Variants in CMSS1 observed in about 807,000 individuals in gnomAD.
CMSS1 encodes protein CMSS1.
CMSS1 carries 33 observed loss-of-function variants against 43.5 expected under a neutral mutation model. The observed-to-expected ratio is 0.76, with a 90% CI of 0.57 to 1.01. CMSS1 has a LOEUF of 1.01. Among genes scored for constraint, CMSS1 ranks in the 50% least tolerant of loss-of-function variants. The pLI is 0.00. For synonymous variants in CMSS1, 115 were observed against 117.2 expected, an observed-to-expected ratio of 0.98 and a Z score of 0.12; for missense variants, 313 against 326.4, an observed-to-expected ratio of 0.96 and a Z score of 0.32.
chr3:99,951,295 T>C (rs1708169024), intron 1 of CMSS1, among the ~76,000 whole-genome samples: 1 of 152,134 alleles, frequency 6.6e-6, no homozygotes, highest in African/African-American at 2.4e-5. Flanking sequence ...GTAATTACAG[T>C]AGCTATTTTA....
chr3:99,946,477 T>G (rs1221062394), intron 1 of CMSS1, among the ~76,000 whole-genome samples: 2 of 152,218 alleles, frequency 1.3e-5, no homozygotes, highest in Non-Finnish European at 2.9e-5. Context: ...TTGGTAGTGT[T>G]TTCTGACACA....
chr3:100,007,288 A>T (rs1049365276), intron 1 of CMSS1, among the ~76,000 whole-genome samples: 2 of 152,186 alleles, frequency 1.3e-5, no homozygotes, highest in African/African-American at 2.4e-5. Context: ...TGAGATGAAA[A>T]TATCTTATTT....
intron 1 of CMSS1, among the ~76,000 whole-genome samples, chr3:100,117,702 T>C (rs2066582273): frequency 6.7e-6 from 1 of 150,304 alleles, no homozygotes. Flanking sequence ...GTATATTGAT[T>C]ACAGGTTGAA....
intron 1 of CMSS1, among the ~76,000 whole-genome samples, chr3:100,110,715 A>G (rs1005890128): frequency 5.9e-5 from 9 of 152,136 alleles, no homozygotes; most frequent in African/African-American, 2.2e-4. Context: ...ATAGCTCTCC[A>G]TTACCTGTGC....
chr3:100,091,590 G>A (rs1051000295), intron 1 of CMSS1, among the ~76,000 whole-genome samples: 4 of 152,172 alleles, frequency 2.6e-5, no homozygotes, highest in African/African-American at 4.8e-5. Flanking sequence ...TCTAACTTAC[G>A]TGCCTGACTT....
chr3:100,165,751 T>G (rs550180052), intron 4 of CMSS1, among the ~76,000 whole-genome samples: 4 of 152,294 alleles, frequency 2.6e-5, no homozygotes, highest in African/African-American at 9.6e-5. Context: ...ATGCAAGAAT[T>G]TCTTTCTATT....
At chr3:100,077,172 C>T (rs1340838368) in intron 1 of CMSS1, among the ~76,000 whole-genome samples, 1 of 152,200 alleles carries the variant, frequency 6.6e-6, no homozygotes, top group Non-Finnish European at 1.5e-5. Flanking sequence ...ATGCAAAGAA[C>T]TTAGGAACTG....
At chr3:100,117,824 A>AGTATATAT (rs1553715614) in intron 1 of CMSS1, among the ~76,000 whole-genome samples, 13 of 94,810 alleles carry the variant, frequency 1.4e-4, no homozygotes, top group Admixed American at 1.1e-3. Context: ...GATAAACTGC[A>AGTATATAT]GTATATATAT....
At chr3:99,899,221 AT>A (rs1706358129) in intron 1 of CMSS1, among the ~76,000 whole-genome samples, 2 of 152,222 alleles carry the variant, frequency 1.3e-5, no homozygotes, top group South Asian at 4.1e-4. Context: ...ATTTTGCATC[AT>A]ATAAAGAGTC....
chr3:100,126,600 T>C (rs907521475), intron 1 of CMSS1, among the ~76,000 whole-genome samples: 2 of 152,196 alleles, frequency 1.3e-5, no homozygotes, highest in South Asian at 2.1e-4. Context: ...ACTCCCACTT[T>C]TAATTTATAT....
chr3:99,859,247 A>AAT (rs1944120731), intron 1 of CMSS1, among the ~76,000 whole-genome samples: 1 of 152,228 alleles, frequency 6.6e-6, no homozygotes, highest in African/African-American at 2.4e-5. Flanking sequence ...ACTATGTGCA[A>AAT]GGCACTGTAC....
chr3:99,983,385 A>T lies in CMSS1; in HGVS notation c.65-163588A>T, dbSNP rs867992425. On this transcript the variant is annotated intron_variant, in intron 1 of 9. Coordinates refer to ENST00000421999, the MANE Select transcript of CMSS1 (RefSeq NM_032359.4). ...CCTGTCTCTACTTAAAAAATAAATAAATAAATATATATATATATATATATA... is the reference window on the plus strand; with the variant it reads ...CCTGTCTCTACTTAAAAAATAAATATATAAATATATATATATATATATATA... Among the ~76,000 whole-genome samples, 76 of 84,020 alleles carry T rather than the reference A, an allele frequency of 9.0e-4. 1 individual carries two copies. Among genetic ancestry groups the T allele is most frequent in the African/African-American group, 3.6e-3 (57 of 15,728 alleles). 55.1% of individuals were successfully genotyped at this position (84,020 alleles called of 152,430 possible). A position where few individuals can be genotyped will look rare whatever the true frequency, so the allele number is the denominator to read the frequency against.
At chr3:100,145,881 C>T (rs1004399475) in intron 1 of CMSS1, among the ~76,000 whole-genome samples, 3 of 152,274 alleles carry the variant, frequency 2.0e-5, no homozygotes, top group African/African-American at 7.2e-5. Context: ...AATACCCTCA[C>T]AGCAACACCC....
At chr3:99,919,828 C>G (rs970858138) in intron 1 of CMSS1, among the ~76,000 whole-genome samples, 9 of 152,172 alleles carry the variant, frequency 5.9e-5, no homozygotes, top group Non-Finnish European at 1.0e-4. Context: ...AACTTAACAG[C>G]AAAGAACTTC....
intron 1 of CMSS1, among the ~76,000 whole-genome samples, chr3:100,055,759 T>G (rs549187567): frequency 6.6e-6 from 1 of 152,326 alleles, no homozygotes; most frequent in South Asian, 2.1e-4. Context: ...AAAAGAGAGA[T>G]AGGCTAGAGA....
rs2067169729 is a variant in CMSS1, at chr3:100,179,106, C to T, written c.*718C>T. 6.6e-6 allele frequency: 1 copy of T among 152,232 alleles called. No individual in the cohort carries two copies. Among genetic ancestry groups the T allele is most frequent in the South Asian group, 2.1e-4 (1 of 4,826 alleles). The allele number at this position is 152,232 out of a possible 1,614,324, so 9.4% of individuals were successfully genotyped here. Reference sequence around the variant, plus strand: ...ACTCCCTATCATGAGAACAGCAGAACAGCAAGGGGAAAATCTGTCCCTATG... The same window carrying T: ...ACTCCCTATCATGAGAACAGCAGAATAGCAAGGGGAAAATCTGTCCCTATG... On this transcript the variant is annotated 3_prime_UTR_variant, in exon 10 of 10. Coordinates refer to ENST00000421999, the MANE Select transcript of CMSS1 (RefSeq NM_032359.4).
intron 1 of CMSS1, among the ~76,000 whole-genome samples, chr3:100,105,500 C>T (rs1166795050): frequency 2.0e-5 from 3 of 152,086 alleles, no homozygotes; most frequent in African/African-American, 7.2e-5. Flanking sequence ...AAAGGGACTT[C>T]CAGGAAGGTT....
chr3:100,106,444 A>T (rs180888102), intron 1 of CMSS1, among the ~76,000 whole-genome samples: 17 of 152,176 alleles, frequency 1.1e-4, no homozygotes, highest in African/African-American at 3.9e-4. Flanking sequence ...GACAAGAAGG[A>T]CTCCAGCAGA....
At chr3:100,075,636 A>T (rs1254834649) in intron 1 of CMSS1, 1 of 146,506 alleles carries the variant, frequency 6.8e-6, no homozygotes, top group African/African-American at 2.5e-5. Context: ...TCTTTTCCTT[A>T]TTACACAAGA....
Sources: gnomAD v4.1 joint callset for allele counts (sites outside exome capture counted in the v4.1 genomes callset) on GRCh38, gnomAD v4.1.1 for gene constraint, MANE v1.5 for transcripts, NCBI Gene and HGNC (gene_info 2026-07-23, HGNC 2026-07-21) for gene names.